KALRN: variants seen among roughly 807,000 people sequenced by gnomAD.
KALRN encodes the protein kalirin RhoGEF kinase, also known as kalirin.
Under a neutral mutation model 353.7 loss-of-function variants are expected in KALRN, and 70 were observed. The observed-to-expected ratio is 0.20, with a 90% CI of 0.16 to 0.24. The LOEUF (loss-of-function observed/expected upper bound fraction) is 0.24, where lower values mean the gene tolerates loss of function less well. Ranked by LOEUF, KALRN falls within the 10% of genes least tolerant of loss-of-function variation. KALRN has a pLI of 1.00. For synonymous variants in KALRN, 1,391 were observed against 1,434.8 expected (o/e 0.97, Z 0.69); for missense variants, 2,791 against 3,756.7 (o/e 0.74, Z 6.72).
intron 37 of KALRN, among the ~76,000 whole-genome samples, chr3:124,642,887 G>T (rs1311864076): frequency 6.8e-6 from 1 of 147,102 alleles, no homozygotes; most frequent in Non-Finnish European, 1.5e-5. Context: ...CGTGATCATG[G>T]CTCACTGCAA....
chr3:124,102,371 C>G (rs2149438827), intron 1 of KALRN, among the ~76,000 whole-genome samples: 1 of 152,258 alleles, frequency 6.6e-6, no homozygotes, highest in East Asian at 1.9e-4. Context: ...ACCTCCTCTT[C>G]TTATAGTTAA....
At position 124,504,827 on chromosome 3, in the gene KALRN, G is replaced by T. The variant is rs1036252978; in HGVS notation, c.4935+8414G>T. On this transcript the variant is annotated intron_variant, in intron 33 of 59. Coordinates refer to ENST00000682506, the MANE Select transcript of KALRN (RefSeq NM_001388419.1). The stretch of plus-strand genomic sequence containing the variant: ...CCAGAACCAGTTCAGCCCCACCACA[G>T]CCCAACTCAAATTGAAATCCACTTT... 1.6e-4 allele frequency: 76 copies of T among 471,698 alleles called. 4 individuals are homozygous for T. Among genetic ancestry groups the T allele is most frequent in the South Asian group, 1.2e-3 (75 of 64,526 alleles). 29.2% of individuals were successfully genotyped at this position (471,698 alleles called of 1,614,324 possible).
chr3:124,360,995 A>G (rs1468795525), intron 10 of KALRN, among the ~76,000 whole-genome samples: 2 of 152,262 alleles, frequency 1.3e-5, no homozygotes, highest in Admixed American at 6.5e-5. Context: ...AGAATAACTG[A>G]TAATAACTAT....
chr3:124,681,629 CTTTTTTTT>C (rs56934346), intron 51 of KALRN, among the ~76,000 whole-genome samples: 7 of 103,724 alleles, frequency 6.7e-5, no homozygotes, highest in Admixed American at 4.9e-4. Context: ...CAGTGATTGT[CTTTTTTTT>C]TTTTTTTTTT....
chr3:124,138,694 A>G (rs2066245985), intron 1 of KALRN, among the ~76,000 whole-genome samples: 1 of 152,072 alleles, frequency 6.6e-6, no homozygotes, highest in South Asian at 2.1e-4. Flanking sequence ...TTTGGTCTTC[A>G]TAGATCAGTC....
intron 1 of KALRN, among the ~76,000 whole-genome samples, chr3:124,126,351 C>G (rs1037860636): frequency 2.6e-5 from 4 of 152,272 alleles, no homozygotes; most frequent in Non-Finnish European, 4.4e-5. Flanking sequence ...ACTGTTTTCT[C>G]AGCGACTGTT....
At chr3:124,342,565 G>A (rs2149517647) in intron 9 of KALRN, among the ~76,000 whole-genome samples, 1 of 152,168 alleles carries the variant, frequency 6.6e-6, no homozygotes, top group East Asian at 1.9e-4. Context: ...ATCCATTGAT[G>A]GGCACTTAGG....
At chr3:124,155,236 T>G (rs1200510006) in intron 1 of KALRN, among the ~76,000 whole-genome samples, 3 of 152,148 alleles carry the variant, frequency 2.0e-5, no homozygotes, top group Admixed American at 6.5e-5. Flanking sequence ...AGGAACCTTC[T>G]TCTTCTTCTC....
intron 33 of KALRN, among the ~76,000 whole-genome samples, chr3:124,545,897 A>C (rs1274998559): frequency 6.6e-6 from 1 of 152,182 alleles, no homozygotes; most frequent in Non-Finnish European, 1.5e-5. Context: ...CTCAGAACAT[A>C]ACCCCACCCA....
intron 37 of KALRN, among the ~76,000 whole-genome samples, chr3:124,643,516 C>G (rs1235302476): frequency 6.6e-6 from 1 of 152,170 alleles, no homozygotes; most frequent in African/African-American, 2.4e-5. Context: ...GGGTCTCACT[C>G]TGTCGCCCAG....
chr3:124,666,688 G>C (rs547544339), intron 46 of KALRN, 54 bp downstream of exon 46: 1 of 1,464,846 alleles, frequency 6.8e-7, no homozygotes, highest in Non-Finnish European at 9.5e-7. Context: ...GTTCTTGGGA[G>C]CTGCTTCCCT....
intron 25 of KALRN, among the ~76,000 whole-genome samples, chr3:124,472,577 G>A (rs1278665662): frequency 1.0e-5 from 1 of 99,574 alleles, no homozygotes; most frequent in Non-Finnish European, 1.7e-5. Context: ...GTGTGTATAT[G>A]TGTGTGTGTG....
At chr3:124,365,144 C>A (rs779524763) in intron 10 of KALRN, among the ~76,000 whole-genome samples, 2 of 152,148 alleles carry the variant, frequency 1.3e-5, no homozygotes, top group Non-Finnish European at 1.5e-5. Context: ...CAAGACTTAA[C>A]CCTAGGCACC....
intron 1 of KALRN, among the ~76,000 whole-genome samples, chr3:124,172,482 T>C (rs1196968741): frequency 3.3e-5 from 5 of 152,188 alleles, no homozygotes; most frequent in African/African-American, 1.2e-4. Context: ...AGTCACTGTT[T>C]AGGACATGGG....
At chr3:124,551,720 C>T (rs1432427288) in intron 33 of KALRN, among the ~76,000 whole-genome samples, 1 of 152,164 alleles carries the variant, frequency 6.6e-6, no homozygotes, top group African/African-American at 2.4e-5. Flanking sequence ...CATTCCCCAA[C>T]CCTGGGCCAG....
chr3:124,643,646 T>A (rs35919599), intron 37 of KALRN, among the ~76,000 whole-genome samples: 17,168 of 152,210 alleles, frequency 0.11, 1,053 homozygotes, highest in African/African-American at 0.13. Flanking sequence ...CATGCCTGGC[T>A]GATTTTTAAA....
chr3:124,594,770 C>A (rs2076119932), intron 34 of KALRN, among the ~76,000 whole-genome samples: 1 of 152,068 alleles, frequency 6.6e-6, no homozygotes, highest in South Asian at 2.1e-4. Flanking sequence ...GAATGATCAG[C>A]CTTTATCTCT....
rs1158221645 is a variant in KALRN, at chr3:124,725,987, T to C, written c.*6517T>C. On this transcript the variant is annotated 3_prime_UTR_variant, in exon 60 of 60. Coordinates refer to ENST00000682506, the MANE Select transcript of KALRN (RefSeq NM_001388419.1). ...ATTTAAAATCACTCCACAGTATTGA[T>C]AAATAGCTCTATATTTTCAAGGTGC... 6.6e-6 allele frequency: 1 copy of C among 152,348 alleles called. No individual in the cohort carries two copies. Among genetic ancestry groups the C allele is most frequent in the East Asian group, 1.9e-4 (1 of 5,194 alleles). 9.4% of individuals were successfully genotyped at this position (152,348 alleles called of 1,614,324 possible). A position where few individuals can be genotyped will look rare whatever the true frequency, so the allele number is the denominator to read the frequency against.
chr3:124,718,358 C>T (rs905212400), intron 59 of KALRN, among the ~76,000 whole-genome samples: 3 of 150,610 alleles, frequency 2.0e-5, no homozygotes, highest in Non-Finnish European at 4.4e-5. Context: ...CCTGACCTTG[C>T]GATCCACCCG....
Sources: allele counts gnomAD v4.1 joint callset (sites outside exome capture counted in the v4.1 genomes callset), GRCh38; gene constraint gnomAD v4.1.1; transcripts MANE v1.5; gene names NCBI Gene and HGNC (gene_info 2026-07-23, HGNC 2026-07-21).